The following LPXN variants were observed in gnomAD, a reference collection of about 807,000 sequenced individuals.
The protein encoded by LPXN is leupaxin.
A neutral mutation model predicts 45.6 loss-of-function variants in LPXN; 28 were observed. That is an observed-to-expected ratio of 0.61 (90% confidence interval 0.45 to 0.84). The LOEUF is 0.84. Ranked by LOEUF, LPXN falls within the 40% of genes least tolerant of loss-of-function variation. The pLI, the probability that LPXN is intolerant of heterozygous loss-of-function variation, is 0.00. For synonymous variants in LPXN, 166 were observed against 169.9 expected (o/e 0.98, Z 0.18); for missense variants, 459 against 475.0 (o/e 0.97, Z 0.31).
intron 7 of LPXN, among the ~76,000 whole-genome samples, chr11:58,539,619 T>A (rs904229569): frequency 1.3e-5 from 2 of 152,132 alleles, no homozygotes; most frequent in Non-Finnish European, 2.9e-5. Context: ...ATTCAATAGA[T>A]CAAATTATAC....
At chr11:58,527,852 G>A (rs1853273163) in intron 8 of LPXN, 129 bp from the exon 9 acceptor site, 1 of 1,125,670 alleles carries the variant, frequency 8.9e-7, no homozygotes, top group East Asian at 2.5e-5. Flanking sequence ...TCAGGTTCTT[G>A]ACAAATGGAG....
chr11:58,564,112 A>G (rs1854458809), intron 3 of LPXN, 43 bp downstream of exon 3: 2 of 1,209,370 alleles, frequency 1.7e-6, no homozygotes, highest in Non-Finnish European at 2.4e-6. Context: ...ACAATTATCT[A>G]CTAACTTTAA....
chr11:58,533,057 A>G (rs1853444054), intron 7 of LPXN, among the ~76,000 whole-genome samples: 1 of 152,166 alleles, frequency 6.6e-6, no homozygotes, highest in Admixed American at 6.5e-5. Context: ...GAAGGTCTGC[A>G]GCTTCACTCC....
At chr11:58,545,129 T>C (rs1206414731) in intron 7 of LPXN, among the ~76,000 whole-genome samples, 1 of 152,162 alleles carries the variant, frequency 6.6e-6, no homozygotes, top group South Asian at 2.1e-4. Flanking sequence ...TCAATAAATG[T>C]CACTTTTTGT....
At chr11:58,529,381 C>A (rs373580923) in intron 7 of LPXN, among the ~76,000 whole-genome samples, 1 of 151,930 alleles carries the variant, frequency 6.6e-6, no homozygotes, top group African/African-American at 2.4e-5. Context: ...GAGGCCGAGG[C>A]GGGTGGATCA....
At chr11:58,578,397 TCC>T (rs1233663251), upstream of LPXN, among the ~76,000 whole-genome samples, 1 of 152,066 alleles carries the variant, frequency 6.6e-6, no homozygotes, top group Non-Finnish European at 1.5e-5. Flanking sequence ...AGACTTCATC[TCC>T]CAGAATGCCC....
chr11:58,546,949 C>T (rs533989350), intron 7 of LPXN, among the ~76,000 whole-genome samples: 2 of 152,204 alleles, frequency 1.3e-5, no homozygotes, highest in African/African-American at 4.8e-5. Flanking sequence ...GAAAACTGTG[C>T]TATGAGTGCC....
At chr11:58,577,136 ACTGT>A (rs1565209688), upstream of LPXN, among the ~76,000 whole-genome samples, 1 of 151,152 alleles carries the variant, frequency 6.6e-6, no homozygotes, top group Non-Finnish European at 1.5e-5. Flanking sequence ...TCTCCATTCC[ACTGT>A]CTGTACATTT....
In LPXN at chr11:58,550,121, C is replaced by T; in HGVS notation, c.512G>A (p.Trp171Ter). The T allele has an allele frequency of 6.2e-7, 1 of 1,614,056 alleles. No homozygotes were observed. The highest frequency in any genetic ancestry group is 8.5e-7 in the Non-Finnish European group (1 of 1,179,930). The change falls in exon 6 of 9, where the codon TGG (tryptophan) becomes TAG (stop). Residue 171 changes from tryptophan to a stop codon, truncating the protein, a stop_gained. Transcript: ENST00000395074. LOFTEE classifies it high-confidence loss of function. ...GKVIHALGQS[W>*]HPEHFVCTHC... ...AGTACAGACAAAATGCTCAGGATGCCATGATTGCCCTAGAGCATGGATCAC... is the reference window on the plus strand; with the variant it reads ...AGTACAGACAAAATGCTCAGGATGCTATGATTGCCCTAGAGCATGGATCAC...
At chr11:58,572,288 C>CT (rs1013509660) in intron 1 of LPXN, among the ~76,000 whole-genome samples, 61 of 147,278 alleles carry the variant, frequency 4.1e-4, no homozygotes, top group South Asian at 1.9e-3. Flanking sequence ...AGATCTAATC[C>CT]TTTTTTTTTT....
At chr11:58,564,787 C>A (rs1854479804) in intron 2 of LPXN, among the ~76,000 whole-genome samples, 1 of 152,144 alleles carries the variant, frequency 6.6e-6, no homozygotes, top group Admixed American at 6.6e-5. Flanking sequence ...AAGTAATATT[C>A]TGCATAGAGG....
chr11:58,571,342 AAAAT>A (rs59215664), intron 1 of LPXN, among the ~76,000 whole-genome samples: 79,840 of 146,854 alleles, frequency 0.54, 21,770 homozygotes, highest in East Asian at 0.64. Flanking sequence ...CCTGTCTCAA[AAAAT>A]AAATAAATAA....
chr11:58,542,549 C>A (rs185951254), intron 7 of LPXN, among the ~76,000 whole-genome samples: 2 of 151,870 alleles, frequency 1.3e-5, no homozygotes, highest in Admixed American at 1.3e-4. Context: ...TATTATAGTA[C>A]TACTAAACAC....
At chr11:58,535,476 A>G (rs1853522504) in intron 7 of LPXN, among the ~76,000 whole-genome samples, 1 of 152,190 alleles carries the variant, frequency 6.6e-6, no homozygotes, top group Non-Finnish European at 1.5e-5. Flanking sequence ...ACACCCCTTC[A>G]TGATAAAATC....
intron 7 of LPXN, among the ~76,000 whole-genome samples, chr11:58,546,028 C>T (rs1440035526): frequency 6.6e-6 from 1 of 152,076 alleles, no homozygotes; most frequent in Non-Finnish European, 1.5e-5. Context: ...CCTGAAACAT[C>T]ATTAACATGA....
upstream of LPXN, among the ~76,000 whole-genome samples, chr11:58,577,290 G>A (rs376040052): frequency 2.6e-5 from 4 of 152,198 alleles, no homozygotes; most frequent in East Asian, 7.7e-4. Context: ...TATTACAACT[G>A]AAAATGACAT....
upstream of LPXN, among the ~76,000 whole-genome samples, chr11:58,578,865 G>C (rs915683410): frequency 6.6e-6 from 1 of 151,452 alleles, no homozygotes; most frequent in African/African-American, 2.4e-5. Flanking sequence ...GTCACTTTGG[G>C]ATTGTCGCGA....
upstream of LPXN, chr11:58,575,949 T>C (rs1854876160): frequency 1.4e-6 from 2 of 1,444,484 alleles, no homozygotes; most frequent in African/African-American, 1.4e-5. Flanking sequence ...GCTTTTTTTT[T>C]TTTTTCATAG....
At position 58,551,247 on chromosome 11, in the gene LPXN, G is replaced by A. The variant is rs759066484; in HGVS notation, c.319-15C>T. 6.3e-7 allele frequency: 1 copy of A among 1,585,692 alleles called. No individual in the cohort carries two copies. Among genetic ancestry groups the A allele is most frequent in the East Asian group, 2.3e-5 (1 of 42,894 alleles). ...CTCACTGCAACCTGGCCCAAGGGAA[G>A]AACCAAGAACAGAATCAGCCTCATT... is the stretch of plus-strand genomic sequence containing the variant. On this transcript the variant is annotated splice_polypyrimidine_tract_variant and intron_variant, in intron 4 of 8. Transcript: ENST00000395074.
Sources: allele counts gnomAD v4.1 joint callset (sites outside exome capture counted in the v4.1 genomes callset), GRCh38; gene constraint gnomAD v4.1.1; transcripts MANE v1.5; gene names NCBI Gene and HGNC (gene_info 2026-07-23, HGNC 2026-07-21).